The following WDR37 variants were observed in gnomAD, a reference collection of about 807,000 sequenced individuals.
WDR37 encodes the protein WD repeat domain 37.
A neutral mutation model predicts 62.9 loss-of-function variants in WDR37; 19 were observed. The ratio of observed to expected loss-of-function variants is 0.30; its 90% CI spans 0.21 to 0.44. WDR37 has a LOEUF of 0.44. Ranked by LOEUF, WDR37 falls within the 20% of genes least tolerant of loss-of-function variation. The pLI, the probability that WDR37 is intolerant of heterozygous loss-of-function variation, is 1.00. For missense variants in WDR37, 474 were observed against 657.6 expected, an observed-to-expected ratio of 0.72 and a Z score of 3.05; for synonymous variants, 250 against 260.9, an observed-to-expected ratio of 0.96 and a Z score of 0.40.
chr10:1,072,384 C>G, intron 2 of WDR37, 91 bp downstream of exon 2: 1 of 1,531,948 alleles, frequency 6.5e-7, no homozygotes, highest in Non-Finnish European at 8.9e-7. Context: ...ATGGTGCGAT[C>G]TCCGCTCACA....
intron 1 of WDR37, among the ~76,000 whole-genome samples, chr10:1,059,412 C>G (rs908286638): frequency 6.6e-6 from 1 of 152,022 alleles, no homozygotes; most frequent in Admixed American, 6.6e-5. Context: ...CTGTTTCAAG[C>G]TACTTTGGTT....
chr10:1,129,350 C>T lies in WDR37; in HGVS notation c.*6C>T, dbSNP rs780486104. On this transcript the variant is annotated 3_prime_UTR_variant, in exon 14 of 14. Coordinates refer to ENST00000263150, the MANE Select transcript of WDR37 (RefSeq NM_014023.4). Reference sequence around the variant, plus strand: ...CATTGCTACAAGAAAAATAAGGACACCGGCAGCCCTTAGTTTCACTGTTTG... The same window carrying T: ...CATTGCTACAAGAAAAATAAGGACATCGGCAGCCCTTAGTTTCACTGTTTG... 1.2e-6 allele frequency: 2 copies of T among 1,613,996 alleles called. No individual in the cohort carries two copies. The highest frequency in any genetic ancestry group is 1.7e-6 in the Non-Finnish European group (2 of 1,179,934).
chr10:1,074,714 A>G (rs1833817616), intron 2 of WDR37, among the ~76,000 whole-genome samples: 1 of 152,226 alleles, frequency 6.6e-6, no homozygotes. Flanking sequence ...CGTTCTAGAC[A>G]GTGTAGAGTG....
At chr10:1,101,701 GAGCTGTTCCCGACTTTGCCTCCCGT>G (rs1451761074) in intron 9 of WDR37, among the ~76,000 whole-genome samples, 4 of 152,190 alleles carry the variant, frequency 2.6e-5, no homozygotes, top group Non-Finnish European at 4.4e-5. Flanking sequence ...GGGATTACAG[GAGCTGTTCCCGACTTTGCCTCCCGT>G]AGCTGTTCCG....
chr10:1,086,421 T>C (rs1834202347), intron 7 of WDR37, 64 bp downstream of exon 7: 28 of 1,355,924 alleles, frequency 2.1e-5, no homozygotes, highest in Non-Finnish European at 2.7e-5. Flanking sequence ...GTTTTTAAAA[T>C]CGTGCATGAT....
chr10:1,062,023 G>T (rs912847642), intron 1 of WDR37, among the ~76,000 whole-genome samples: 1 of 151,328 alleles, frequency 6.6e-6, no homozygotes, highest in Non-Finnish European at 1.5e-5. Flanking sequence ...TTTTTGGGGG[G>T]GCCAAGGACT....
At chr10:1,116,898 G>A (rs1174363272) in intron 11 of WDR37, among the ~76,000 whole-genome samples, 1 of 149,992 alleles carries the variant, frequency 6.7e-6, no homozygotes, top group South Asian at 2.1e-4. Flanking sequence ...GGTTCTTTCT[G>A]TGCAAAGGAG....
intron 1 of WDR37, among the ~76,000 whole-genome samples, chr10:1,069,061 G>T (rs1833640435): frequency 6.6e-6 from 1 of 152,110 alleles, no homozygotes. Context: ...GAGAAATGAG[G>T]AGTGAGGGCA....
At chr10:1,081,871 G>A (rs1834040267) in intron 5 of WDR37, among the ~76,000 whole-genome samples, 1 of 152,106 alleles carries the variant, frequency 6.6e-6, no homozygotes, top group African/African-American at 2.4e-5. Flanking sequence ...TATTACTGAA[G>A]TAGAGGAAGA....
rs369515056 is a variant in WDR37, at chr10:1,111,123, A to G, written c.1103+5856A>G. 2.7e-4 allele frequency among the ~76,000 whole-genome samples: 41 copies of G among 152,234 alleles called. 1 individual carries two copies. In the South Asian group the frequency reaches 6.0e-3, roughly 22 times the overall value. On this transcript the variant is annotated intron_variant, in intron 11 of 13. Transcript: ENST00000263150. The stretch of plus-strand genomic sequence containing the variant: ...TTCTTCAACATGTGTGACTAAAAAT[A>G]CCCTTTCTCACATAATTTATATTAA...
intron 5 of WDR37, 26 bp from the exon 6 acceptor site, chr10:1,084,377 C>T (rs1322863145): frequency 1.3e-6 from 2 of 1,598,928 alleles, no homozygotes; most frequent in African/African-American, 2.7e-5. Flanking sequence ...TAAATTGTTT[C>T]ACAAGACTCC....
intron 6 of WDR37, among the ~76,000 whole-genome samples, chr10:1,085,772 A>G (rs1834181173): frequency 6.6e-6 from 1 of 152,216 alleles, no homozygotes. Flanking sequence ...GTCCTTTCTG[A>G]TATTTCCGAA....
Position 1,080,045 on chromosome 10 carries a change from A to G in WDR37, c.270A>G (p.Leu90=). ...RREIDTLNER[L]AAEGQAIDGA... is the part of the protein sequence containing the mutation. ...AAATCGACACTCTTAATGAACGTTT[A>G]GCTGCTGAAGGACAAGCGATTGATG... The change falls in exon 4 of 14, where the codon TTA becomes TTG. Residue 90 remains leucine, a synonymous_variant. Transcript: ENST00000263150. 1 of 1,614,182 alleles carries G rather than the reference A, an allele frequency of 6.2e-7. No homozygotes were observed. The highest frequency in any genetic ancestry group is 2.2e-5 in the East Asian group (1 of 44,888).
chr10:1,087,704 T>C (rs1051990194), intron 7 of WDR37, among the ~76,000 whole-genome samples: 1 of 152,134 alleles, frequency 6.6e-6, no homozygotes, highest in African/African-American at 2.4e-5. Flanking sequence ...GGAGGACAGG[T>C]AGAGGAGATG....
intron 5 of WDR37, among the ~76,000 whole-genome samples, chr10:1,082,538 G>A: frequency 6.6e-6 from 1 of 152,194 alleles, no homozygotes; most frequent in Admixed American, 6.5e-5. Flanking sequence ...CAAACGATCT[G>A]GGATGATGGG....
chr10:1,125,070 A>G, intron 13 of WDR37, 46 bp downstream of exon 13: 1 of 1,596,474 alleles, frequency 6.3e-7, no homozygotes, highest in Non-Finnish European at 8.5e-7. Context: ...GTGGAGGAGG[A>G]CGGGTAGAGA....
At chr10:1,124,394 G>A in intron 12 of WDR37, 42 bp downstream of exon 12, 1 of 1,612,008 alleles carries the variant, frequency 6.2e-7, no homozygotes, top group Non-Finnish European at 8.5e-7. Context: ...TTAGTTTGAT[G>A]TGAAAGGATT....
chr10:1,107,232 C>T (rs762258383), intron 11 of WDR37, among the ~76,000 whole-genome samples: 6 of 152,232 alleles, frequency 3.9e-5, no homozygotes, highest in Non-Finnish European at 7.3e-5. Context: ...CCCCGACGTC[C>T]ACCAGATGCA....
chr10:1,126,162 T>C (rs528380307), intron 13 of WDR37, among the ~76,000 whole-genome samples: 21 of 152,002 alleles, frequency 1.4e-4, no homozygotes, highest in South Asian at 2.1e-4. Context: ...TCGTAGCACT[T>C]TGGGAGGCTG....
Sources: gnomAD v4.1 joint callset for allele counts (sites outside exome capture counted in the v4.1 genomes callset) on GRCh38, gnomAD v4.1.1 for gene constraint, MANE v1.5 for transcripts, NCBI Gene and HGNC (gene_info 2026-07-23, HGNC 2026-07-21) for gene names.